The following CACNB2 variants were observed in gnomAD, a reference collection of about 807,000 sequenced individuals.
CACNB2 encodes the protein voltage-dependent L-type calcium channel subunit beta-2.
CACNB2 carries 42 observed loss-of-function variants against 73.3 expected under a neutral mutation model. That is an observed-to-expected ratio of 0.57 (90% CI 0.45 to 0.74). CACNB2 has a LOEUF of 0.74. Ranked by LOEUF, CACNB2 falls within the 30% of genes least tolerant of loss-of-function variation. The probability of loss-of-function intolerance (pLI) is 0.00; values close to 1 mark genes in which losing one functional copy is unlikely to be tolerated. For synonymous variants in CACNB2, 348 were observed against 310.3 expected (o/e 1.12, Z -1.28); for missense variants, 940 against 853.0 (o/e 1.10, Z -1.27).
intron 2 of CACNB2, among the ~76,000 whole-genome samples, chr10:18,174,781 G>A (rs1335275493): frequency 6.6e-6 from 1 of 152,064 alleles, no homozygotes. Context: ...TGTGCCAGAT[G>A]TCTGTTCTAA....
intron 2 of CACNB2, among the ~76,000 whole-genome samples, chr10:18,195,930 G>T (rs1379524301): frequency 6.6e-6 from 1 of 152,136 alleles, no homozygotes; most frequent in African/African-American, 2.4e-5. Flanking sequence ...TTCAAAACAA[G>T]CTTTTATCTG....
At chr10:18,289,941 T>C (rs1196719260) in intron 2 of CACNB2, among the ~76,000 whole-genome samples, 1 of 151,910 alleles carries the variant, frequency 6.6e-6, no homozygotes, top group Non-Finnish European at 1.5e-5. Context: ...GAGCAATTCT[T>C]TTAGAGTAGG....
At chr10:18,355,777 A>G (rs2041884325) in intron 2 of CACNB2, among the ~76,000 whole-genome samples, 1 of 151,808 alleles carries the variant, frequency 6.6e-6, no homozygotes, top group South Asian at 2.1e-4. Flanking sequence ...CTGGGATTAC[A>G]GGTGCCTGCC....
At chr10:18,427,692 T>C (rs922673444) in intron 3 of CACNB2, among the ~76,000 whole-genome samples, 2 of 152,184 alleles carry the variant, frequency 1.3e-5, no homozygotes, top group African/African-American at 4.8e-5. Flanking sequence ...TCTCTTCTCA[T>C]GCCAGTTTGG....
chr10:18,416,848 A>G (rs1385795879), intron 3 of CACNB2, among the ~76,000 whole-genome samples: 1 of 152,060 alleles, frequency 6.6e-6, no homozygotes, highest in Non-Finnish European at 1.5e-5. Flanking sequence ...TAGTTACCCC[A>G]TTTTATGGAT....
chr10:18,484,566 G>C (rs1200751133), intron 3 of CACNB2, among the ~76,000 whole-genome samples: 1 of 152,148 alleles, frequency 6.6e-6, no homozygotes, highest in Non-Finnish European at 1.5e-5. Context: ...GGGAAGAAGA[G>C]AGTGCTCAAA....
chr10:18,188,601 G>A (rs1275106951), intron 2 of CACNB2, among the ~76,000 whole-genome samples: 2 of 151,978 alleles, frequency 1.3e-5, no homozygotes, highest in African/African-American at 4.8e-5. Context: ...CCCTGTGCCC[G>A]GCCTTCTTTG....
At chr10:18,466,572 A>T (rs1252142323) in intron 3 of CACNB2, among the ~76,000 whole-genome samples, 1 of 151,994 alleles carries the variant, frequency 6.6e-6, no homozygotes, top group East Asian at 1.9e-4. Flanking sequence ...AGTCCTACAT[A>T]GAAGGTTCTC....
Position 18,447,906 on chromosome 10 carries a change from TC to T in CACNB2, c.333+45864del, listed in dbSNP as rs553334813. On this transcript the variant is annotated intron_variant, in intron 3 of 13. Coordinates refer to ENST00000324631, the MANE Select transcript of CACNB2 (RefSeq NM_201596.3). ...CCAAACCCGAGAGCTATTTTTGTTT[TC>T]TTTTAAGGGCATGGGCAAAATGAAC... is the stretch of plus-strand genomic sequence containing the variant. Among the ~76,000 whole-genome samples the T allele has an allele frequency of 4.0e-4, 61 of 152,222 alleles. 1 individual carries two copies. The South Asian group carries it at 0.012, about 31-fold the overall frequency.
chr10:18,322,149 C>T (rs1238947852), intron 2 of CACNB2, among the ~76,000 whole-genome samples: 2 of 152,228 alleles, frequency 1.3e-5, no homozygotes, highest in African/African-American at 2.4e-5. Context: ...GAGCAAGACC[C>T]TGTCCCCACA....
chr10:18,414,007 T>C (rs1419290272), intron 3 of CACNB2, among the ~76,000 whole-genome samples: 2 of 152,242 alleles, frequency 1.3e-5, no homozygotes, highest in African/African-American at 4.8e-5. Context: ...TACACTATTT[T>C]ACATGGTCAC....
chr10:18,307,024 A>C (rs1017290177), intron 2 of CACNB2, among the ~76,000 whole-genome samples: 1 of 152,112 alleles, frequency 6.6e-6, no homozygotes, highest in African/African-American at 2.4e-5. Context: ...CCTCTAGAAG[A>C]GGAAAGACAA....
At chr10:18,242,085 A>G (rs1430491374) in intron 2 of CACNB2, among the ~76,000 whole-genome samples, 2 of 143,332 alleles carry the variant, frequency 1.4e-5, no homozygotes, top group African/African-American at 5.2e-5. Context: ...ATATATGTAT[A>G]TATGTGTGTG....
chr10:18,307,299 T>A (rs1328223258), intron 2 of CACNB2, among the ~76,000 whole-genome samples: 1 of 152,084 alleles, frequency 6.6e-6, no homozygotes, highest in Non-Finnish European at 1.5e-5. Flanking sequence ...CTGTCTCTAC[T>A]AAAAATACCA....
chr10:18,277,488 G>C (rs1021730210), intron 2 of CACNB2, among the ~76,000 whole-genome samples: 1 of 152,196 alleles, frequency 6.6e-6, no homozygotes, highest in Non-Finnish European at 1.5e-5. Flanking sequence ...CTAATACAAC[G>C]AGGAAAATAT....
chr10:18,257,812 C>T (rs916730080), intron 2 of CACNB2, among the ~76,000 whole-genome samples: 2 of 152,166 alleles, frequency 1.3e-5, no homozygotes, highest in Non-Finnish European at 1.5e-5. Flanking sequence ...GGCATGATCT[C>T]GGCTCACTGC....
intron 6 of CACNB2, chr10:18,513,229 G>C (rs1299692337): frequency 6.5e-6 from 1 of 154,866 alleles, no homozygotes; most frequent in African/African-American, 2.4e-5. Flanking sequence ...ACTGAGAAAT[G>C]GTTCATTGTT....
chr10:18,532,691 A>AAAC (rs1253801568), intron 10 of CACNB2, among the ~76,000 whole-genome samples: 1 of 58,648 alleles, frequency 1.7e-5, no homozygotes, highest in African/African-American at 7.0e-5. Flanking sequence ...AAAAAAAAAA[A>AAAC]AAAAACAAAA....
intron 2 of CACNB2, among the ~76,000 whole-genome samples, chr10:18,387,070 A>C (rs1272329764): frequency 1.3e-5 from 2 of 152,226 alleles, no homozygotes; most frequent in Non-Finnish European, 2.9e-5. Context: ...TTCAGAAGGC[A>C]GATCTAGCTG....
Sources: gnomAD v4.1 joint callset for allele counts (sites outside exome capture counted in the v4.1 genomes callset) on GRCh38, gnomAD v4.1.1 for gene constraint, MANE v1.5 for transcripts, NCBI Gene and HGNC (gene_info 2026-07-23, HGNC 2026-07-21) for gene names.